Variants in BTBD3 observed in about 807,000 individuals in gnomAD.
BTBD3 encodes the protein BTB domain containing 3, also known as BTB/POZ domain-containing protein 3.
In BTBD3, 14 loss-of-function variants were observed where a neutral mutation model predicts 41.6. That is an observed-to-expected ratio of 0.34 (90% CI 0.22 to 0.53). The LOEUF (loss-of-function observed/expected upper bound fraction) is 0.53, where lower values mean the gene tolerates loss of function less well. Among genes scored for constraint, BTBD3 ranks in the 20% least tolerant of loss-of-function variants. The pLI is 0.95. For synonymous variants in BTBD3, 249 were observed against 233.7 expected (o/e 1.07, Z -0.60); for missense variants, 426 against 654.7 (o/e 0.65, Z 3.81).
At chr20:11,896,305 A>T (rs1024012538) in intron 1 of BTBD3, among the ~76,000 whole-genome samples, 2 of 152,124 alleles carry the variant, frequency 1.3e-5, no homozygotes, top group Non-Finnish European at 2.9e-5. Context: ...GGCTGTCGGT[A>T]GTCTAAGATG....
chr20:11,905,610 G>C (rs2056848625), intron 1 of BTBD3, among the ~76,000 whole-genome samples: 2 of 152,162 alleles, frequency 1.3e-5, no homozygotes, highest in Admixed American at 1.3e-4. Flanking sequence ...GTGTGGGTGA[G>C]GAGGACTGCG....
rs777832116 is a variant in BTBD3 at position 11,918,449 on chromosome 20, AAAG to A, written c.182_184del (p.Lys61del). The A allele has an allele frequency of 3.2e-5, 52 of 1,614,060 alleles. No homozygotes were observed. The highest frequency in any genetic ancestry group is 2.1e-4 in the South Asian group (19 of 91,090). On this transcript the variant is annotated inframe_deletion, in exon 1 of 4. Transcript: ENST00000378226. Reference sequence around the variant, plus strand: ...ATGAAATAATTACCTTGAAGACTAAAAAGAAGAAGATGGCTGCTGATATATTCC... The same window carrying A: ...ATGAAATAATTACCTTGAAGACTAAAAAGAAGATGGCTGCTGATATATTCC...
In BTBD3 at chr20:11,918,364, C is replaced by T; in HGVS notation, c.89C>T (p.Ser30Leu). The change falls in exon 1 of 4, where the codon TCA becomes TTA. Residue 30 changes from serine to leucine, a missense_variant. Transcript: ENST00000378226. ...GTAAAGAACAGGTCCAAGAAAAGCT[C>T]AAAGAAAGCAAATACCAGCAGCAGC... ...ETVKNRSKKSSKKANTSSSSS... is the reference protein window; with the variant it reads ...ETVKNRSKKSLKKANTSSSSS... 1 of 1,614,088 alleles carries T rather than the reference C, an allele frequency of 6.2e-7. No individual in the cohort carries two copies. The highest frequency in any genetic ancestry group is 8.5e-7 in the Non-Finnish European group (1 of 1,180,000).
Position 11,919,729 on chromosome 20 carries a change from T to C in BTBD3, c.429T>C (p.Ala143=). The change falls in exon 3 of 4, where the codon GCT becomes GCC. Residue 143 remains alanine, a synonymous_variant. Coordinates refer to ENST00000378226, the MANE Select transcript of BTBD3 (RefSeq NM_014962.4). ...QRLPGHKYVL[A]VGSSVFHAMF... The stretch of plus-strand genomic sequence containing the variant: ...CCCTTTCTACACAGTATGTTTTAGC[T>C]GTTGGGAGCTCTGTGTTCCATGCGA... The C allele has an allele frequency of 6.2e-7, 1 of 1,614,040 alleles. No individual in the cohort carries two copies.
chr20:11,892,026 A>G (rs2056757878), intron 1 of BTBD3, among the ~76,000 whole-genome samples: 1 of 152,186 alleles, frequency 6.6e-6, no homozygotes, highest in Admixed American at 6.5e-5. Flanking sequence ...ACACTGGTTT[A>G]ATATAAGAAA....
chr20:11,895,059 T>C (rs993385597), intron 1 of BTBD3, among the ~76,000 whole-genome samples: 2 of 152,202 alleles, frequency 1.3e-5, no homozygotes, highest in Admixed American at 1.3e-4. Flanking sequence ...CTCCTCTTCC[T>C]TTTCCCTAGT....
At position 11,923,351 on chromosome 20, in the gene BTBD3, T is replaced by G. The variant is rs757820195; in HGVS notation, c.1254T>G (p.Gly418=). 3.1e-6 allele frequency: 5 copies of G among 1,614,190 alleles called. No homozygotes were observed. The highest frequency in any genetic ancestry group is 4.2e-6 in the Non-Finnish European group (5 of 1,180,020). Residue 418 remains glycine (G), a synonymous_variant, in exon 4 of 4, where the codon GGT becomes GGG. Coordinates refer to ENST00000378226, the MANE Select transcript of BTBD3 (RefSeq NM_014962.4). This position sits in a 1 kb window ranked among gnomAD's most constrained non-coding sequence, Gnocchi z 5.3. ...TTGGGCTGTATGGCTCCAGCTGTGG[T>G]TCTGCAGAATACAGTGCCAAGATTG... ...AGFGLYGSSC[G]SAEYSAKIEL...
In BTBD3 at chr20:11,922,251, C is replaced by T. The variant is rs114732009; in HGVS notation, c.537-383C>T. ...TGCAATAATTGCTCTTAAAACATAACGAGACTATTCTTGGTTAAATATAAT... is the reference window on the plus strand; with the variant it reads ...TGCAATAATTGCTCTTAAAACATAATGAGACTATTCTTGGTTAAATATAAT... On this transcript the variant is annotated intron_variant, in intron 3 of 3. Transcript: ENST00000378226. Among the ~76,000 whole-genome samples, 1,171 of 152,192 alleles carry T rather than the reference C, an allele frequency of 7.7e-3. 14 individuals carry two copies. Among genetic ancestry groups the T allele is most frequent in the Middle Eastern group, 0.027 (8 of 292 alleles).
intron 1 of BTBD3, among the ~76,000 whole-genome samples, chr20:11,900,144 C>T (rs2056815149): frequency 6.6e-6 from 1 of 152,180 alleles, no homozygotes. Context: ...TCACAAGTTC[C>T]ATTGCTTTGA....
chr20:11,899,581 A>G (rs186827762), intron 1 of BTBD3, among the ~76,000 whole-genome samples: 98 of 150,950 alleles, frequency 6.5e-4, no homozygotes, highest in Non-Finnish European at 1.2e-3. Flanking sequence ...TTTTATTTTT[A>G]CTTCCAGGAT....
chr20:11,922,863 C>G lies in BTBD3; in HGVS notation c.766C>G (p.Leu256Val). Residue 256 changes from leucine to valine, a missense_variant, in exon 4 of 4, where the codon CTC becomes GTC. By Grantham distance (32) the Leu-to-Val change is conservative (BLOSUM62 1). Coordinates refer to ENST00000378226, the MANE Select transcript of BTBD3 (RefSeq NM_014962.4). ...EVIDAQAELALKSEGFCDIDF... is the reference protein window; with the variant it reads ...EVIDAQAELAVKSEGFCDIDF... ...GATTGATGCCCAGGCTGAGTTAGCTCTCAAGTCTGAGGGATTCTGCGATAT... is the reference window on the plus strand; with the variant it reads ...GATTGATGCCCAGGCTGAGTTAGCTGTCAAGTCTGAGGGATTCTGCGATAT... 1 of 1,614,220 alleles carries G rather than the reference C, an allele frequency of 6.2e-7. No individual in the cohort carries two copies. The highest frequency in any genetic ancestry group is 8.5e-7 in the Non-Finnish European group (1 of 1,180,042).
At position 11,918,472 on chromosome 20, in the gene BTBD3, T is replaced by G; in HGVS notation, c.197T>G (p.Ile66Arg). 1.2e-6 allele frequency: 2 copies of G among 1,614,178 alleles called. No homozygotes were observed. The highest frequency in any genetic ancestry group is 1.7e-6 in the Non-Finnish European group (2 of 1,180,020). ...KTKKKKMAAD[I>R]FPRKKPANSS... ...AAAAAGAAGAAGATGGCTGCTGATA[T>G]ATTCCCCCGTAAAAAGCCAGCCAAC... Residue 66 changes from isoleucine (I) to arginine (R), a missense_variant, in exon 1 of 4, where the codon ATA becomes AGA. Coordinates refer to ENST00000378226, the MANE Select transcript of BTBD3 (RefSeq NM_014962.4).
chr20:11,904,432 A>G (rs1470517607), intron 1 of BTBD3, among the ~76,000 whole-genome samples: 1 of 152,178 alleles, frequency 6.6e-6, no homozygotes, highest in East Asian at 1.9e-4. Flanking sequence ...ATTGGGGATT[A>G]CAATTCATCA....
Position 11,924,461 on chromosome 20 carries a change from C to A in BTBD3, c.*795C>A, listed in dbSNP as rs1443904913. 1 of 152,402 alleles carries A rather than the reference C, an allele frequency of 6.6e-6. No homozygotes were observed. The highest frequency in any genetic ancestry group is 1.5e-5 in the Non-Finnish European group (1 of 68,012). The allele number at this position is 152,402 out of a possible 1,614,324, so 9.4% of individuals were successfully genotyped here. A position where few individuals can be genotyped will look rare whatever the true frequency, so the allele number is the denominator to read the frequency against. On this transcript the variant is annotated 3_prime_UTR_variant, in exon 4 of 4. Transcript: ENST00000378226. ...AAACTAAGACAGTTTAAAAAGGAAG[C>A]CTGAAAAAGACTCATACTACAAATA...
Position 11,922,712 on chromosome 20 carries a change from C to T in BTBD3, c.615C>T (p.Val205=), listed in dbSNP as rs754181251. ...TTTATGCTGCCAAAAAGTACATTGT[C>T]CCTCACCTTGCCAGAGCCTGTGTTA... ...ATLYAAKKYI[V]PHLARACVNF... Residue 205 remains valine (V), a synonymous_variant, in exon 4 of 4, where the codon GTC becomes GTT. Transcript: ENST00000378226. 1.9e-6 allele frequency: 3 copies of T among 1,614,238 alleles called. No individual in the cohort carries two copies. The highest frequency in any genetic ancestry group is 3.3e-5 in the Admixed American group (2 of 60,028).
At chr20:11,902,889 G>A (rs1189276991) in intron 1 of BTBD3, among the ~76,000 whole-genome samples, 1 of 151,994 alleles carries the variant, frequency 6.6e-6, no homozygotes, top group Non-Finnish European at 1.5e-5. Flanking sequence ...ACCCATTAAT[G>A]AAATACAAAA....
At chr20:11,896,508 T>C (rs886618171) in intron 1 of BTBD3, among the ~76,000 whole-genome samples, 31 of 152,368 alleles carry the variant, frequency 2.0e-4, no homozygotes, top group African/African-American at 7.2e-4. Context: ...TATAACATCT[T>C]TCTGGAACAT....
intron 1 of BTBD3, among the ~76,000 whole-genome samples, chr20:11,901,866 A>G (rs374949810): frequency 4.5e-4 from 69 of 152,334 alleles, no homozygotes; most frequent in African/African-American, 1.4e-3. Context: ...CAGTGTTTCT[A>G]TAGTATTATA....
At chr20:11,896,892 G>A (rs1212669231) in intron 1 of BTBD3, among the ~76,000 whole-genome samples, 4 of 152,168 alleles carry the variant, frequency 2.6e-5, no homozygotes, top group African/African-American at 9.7e-5. Flanking sequence ...GGTTGGGGTG[G>A]TATAGGAGAT....
Sources: allele counts gnomAD v4.1 joint callset (sites outside exome capture counted in the v4.1 genomes callset), GRCh38; gene constraint gnomAD v4.1.1; non-coding constraint Gnocchi (gnomAD v3.1); transcripts MANE v1.5; gene names NCBI Gene and HGNC (gene_info 2026-07-23, HGNC 2026-07-21).